Variants in RNF44 observed in about 807,000 individuals in gnomAD.
RNF44 encodes ring finger protein 44.
A neutral mutation model predicts 53.6 loss-of-function variants in RNF44; 25 were observed. The ratio of observed to expected loss-of-function variants is 0.47; its 90% CI spans 0.34 to 0.65. The LOEUF (loss-of-function observed/expected upper bound fraction) is 0.65, where lower values mean the gene tolerates loss of function less well. RNF44 is among the 30% of genes least tolerant of loss of function. The probability of loss-of-function intolerance (pLI) is 0.01; values close to 1 mark genes in which losing one functional copy is unlikely to be tolerated. For synonymous variants in RNF44, 282 were observed against 252.2 expected (o/e 1.12, Z -1.12); for missense variants, 581 against 595.5 (o/e 0.98, Z 0.25).
In RNF44 at chr5:176,530,742, G is replaced by A. The variant is rs1304953568; in HGVS notation, c.641C>T (p.Pro214Leu). 2.6e-6 allele frequency: 4 copies of A among 1,534,508 alleles called. No homozygotes were observed. The highest frequency in any genetic ancestry group is 3.5e-6 in the Non-Finnish European group (4 of 1,143,874). ...VSLQTQHPRMPLQRLDNDVDL... is the reference protein window; with the variant it reads ...VSLQTQHPRMLLQRLDNDVDL... Reference sequence around the variant, plus strand: ...CACGTCGTTGTCGAGCCGCTGGAGGGGCTGGAAGAACCAGCGCCGGGTCAG... The same window carrying A: ...CACGTCGTTGTCGAGCCGCTGGAGGAGCTGGAAGAACCAGCGCCGGGTCAG... The change falls in exon 6 of 11, where the codon CCC (proline) becomes CTC (leucine). Residue 214 changes from proline (P) to leucine (L), a missense_variant and splice_region_variant. Physicochemically the swap from Pro to Leu is moderately conservative, Grantham distance 98. Transcript: ENST00000274811.
In RNF44 at chr5:176,529,507, G is replaced by A. The variant is rs759117210; in HGVS notation, c.1136+16C>T. ...AGCTGTGTTCAGAGGGGTGGGAGGTGGGGCAGGGTACTCACAGCGTCTGCT... is the reference window on the plus strand; with the variant it reads ...AGCTGTGTTCAGAGGGGTGGGAGGTAGGGCAGGGTACTCACAGCGTCTGCT... On this transcript the variant is annotated intron_variant, in intron 9 of 10. Coordinates refer to ENST00000274811, the MANE Select transcript of RNF44 (RefSeq NM_014901.5). 5.6e-6 allele frequency: 9 copies of A among 1,613,724 alleles called. No individual in the cohort carries two copies. The highest frequency in any genetic ancestry group is 2.2e-5 in the East Asian group (1 of 44,866).
At chr5:176,538,404 G>A (rs906348443), upstream of RNF44, among the ~76,000 whole-genome samples, 1 of 152,148 alleles carries the variant, frequency 6.6e-6, no homozygotes, top group African/African-American at 2.4e-5. Flanking sequence ...ATCCAAAGCC[G>A]AGCCTCGTTC....
upstream of RNF44, among the ~76,000 whole-genome samples, chr5:176,542,963 G>A (rs1006188074): frequency 6.6e-5 from 10 of 151,916 alleles, no homozygotes; most frequent in East Asian, 1.9e-3. Flanking sequence ...CCCAGCCGCA[G>A]CTGGGACTCG....
At position 176,526,882 on chromosome 5, in the gene RNF44, A is replaced by G. The variant is rs1338976645; in HGVS notation, c.*2146T>C. On this transcript the variant is annotated 3_prime_UTR_variant, in exon 11 of 11. Coordinates refer to ENST00000274811, the MANE Select transcript of RNF44 (RefSeq NM_014901.5). Reference sequence around the variant, plus strand: ...TATACACATATATATAATACAACATACTAGTTATGTTAAATGCTACAAACC... The same window carrying G: ...TATACACATATATATAATACAACATGCTAGTTATGTTAAATGCTACAAACC... The G allele has an allele frequency of 6.6e-6, 1 of 152,472 alleles. No homozygotes were observed. Among genetic ancestry groups the G allele is most frequent in the Non-Finnish European group, 1.5e-5 (1 of 68,026 alleles). The allele number at this position is 152,472 out of a possible 1,614,324, so 9.4% of individuals were successfully genotyped here.
rs747553222 is a variant in RNF44 at position 176,529,820 on chromosome 5, TAG to T, written c.927-4_927-3del. The T allele has an allele frequency of 6.3e-6, 10 of 1,595,710 alleles. No homozygotes were observed. Among genetic ancestry groups the T allele is most frequent in the Admixed American group, 5.2e-5 (3 of 58,182 alleles). On this transcript the variant is annotated splice_polypyrimidine_tract_variant and splice_region_variant and intron_variant, in intron 7 of 10. Transcript: ENST00000274811. Reference sequence around the variant, plus strand: ...GTTGGTGACATTGGCAGCATCGAGCTAGAGAGAGACAAGTGTGGGGGCCCAGG... The same window carrying T: ...GTTGGTGACATTGGCAGCATCGAGCTAGAGAGACAAGTGTGGGGGCCCAGG...
chr5:176,529,683 G>A, intron 8 of RNF44, 39 bp from the exon 9 acceptor site: 2 of 1,611,702 alleles, frequency 1.2e-6, no homozygotes, highest in South Asian at 1.1e-5. Flanking sequence ...GGCGCCCAGG[G>A]CTGCAGGTCT....
chr5:176,532,332 G>A lies in RNF44; in HGVS notation c.107+34C>T, dbSNP rs536849706. ...GCGCCCCACCCCTGCTGGCCCCCAT[G>A]CCCCAGCACCAGGACTGGGAGGCTC... On this transcript the variant is annotated intron_variant, in intron 2 of 10. Coordinates refer to ENST00000274811, the MANE Select transcript of RNF44 (RefSeq NM_014901.5). 35 of 1,578,000 alleles carry A rather than the reference G, an allele frequency of 2.2e-5. No individual in the cohort carries two copies. In the East Asian group the frequency reaches 7.0e-4, roughly 32 times the overall value.
rs559682354 is a variant in RNF44 at position 176,527,191 on chromosome 5, A to C, written c.*1837T>G. 1 of 152,464 alleles carries C rather than the reference A, an allele frequency of 6.6e-6. No individual in the cohort carries two copies. The highest frequency in any genetic ancestry group is 1.9e-4 in the East Asian group (1 of 5,202). The allele number at this position is 152,464 out of a possible 1,614,324, so 9.4% of individuals were successfully genotyped here. Reference sequence around the variant, plus strand: ...GCCAGAAGTTGGTAAATAAGAGAGTAAACAATGGCAAGCCCCCACCACAGG... The same window carrying C: ...GCCAGAAGTTGGTAAATAAGAGAGTCAACAATGGCAAGCCCCCACCACAGG... On this transcript the variant is annotated 3_prime_UTR_variant, in exon 11 of 11. Transcript: ENST00000274811.
At position 176,531,515 on chromosome 5, in the gene RNF44, C is replaced by A. The variant is rs759598913; in HGVS notation, c.413G>T (p.Cys138Phe). 1.7e-5 allele frequency: 27 copies of A among 1,603,702 alleles called. No individual in the cohort carries two copies. Among genetic ancestry groups the A allele is most frequent in the Admixed American group, 1.7e-5 (1 of 58,336 alleles). The change falls in exon 4 of 11, where the codon TGC becomes TTC. Residue 138 changes from cysteine to phenylalanine, a missense_variant. Around this residue, in one of 3 missense-constraint regions of RNF44, gnomAD observed 387 missense variants for 366.0 expected, o/e 1.06. Transcript: ENST00000274811. The surrounding 1 kb of genome is among the most constrained non-coding windows in gnomAD (Gnocchi z 4.2). ...PGCSAQQLPA[C>F]SVMFSGQHYP... ...ATGCTGCCCACTGAACATCACGGAGCATGCTGGGAGCTGCTGGGCACTGCA... is the reference window on the plus strand; with the variant it reads ...ATGCTGCCCACTGAACATCACGGAGAATGCTGGGAGCTGCTGGGCACTGCA...
At chr5:176,539,019 C>T (rs1757382074), upstream of RNF44, among the ~76,000 whole-genome samples, 1 of 152,198 alleles carries the variant, frequency 6.6e-6, no homozygotes, top group Non-Finnish European at 1.5e-5. Flanking sequence ...AAGACTATGT[C>T]TTAAGTCTTT....
At chr5:176,534,977 C>A (rs1396374003) in intron 1 of RNF44, among the ~76,000 whole-genome samples, 1 of 152,240 alleles carries the variant, frequency 6.6e-6, no homozygotes, top group Non-Finnish European at 1.5e-5. Context: ...TGCAGAGGCC[C>A]AGGCCTGTGG....
upstream of RNF44, among the ~76,000 whole-genome samples, chr5:176,538,949 C>T (rs565426417): frequency 6.6e-6 from 1 of 152,300 alleles, no homozygotes; most frequent in African/African-American, 2.4e-5. Flanking sequence ...TGCACATTAG[C>T]TCTTTTTTAA....
In RNF44 at chr5:176,530,700, T is replaced by TG; in HGVS notation, c.682dup (p.Gln228ProfsTer104). 6.4e-7 allele frequency: 1 copy of TG among 1,550,606 alleles called. No homozygotes were observed. The highest frequency in any genetic ancestry group is 8.7e-7 in the Non-Finnish European group (1 of 1,151,176). On this transcript the variant is annotated frameshift_variant, in exon 6 of 11. Coordinates refer to ENST00000274811, the MANE Select transcript of RNF44 (RefSeq NM_014901.5). LOFTEE classifies it high-confidence loss of function. Reference sequence around the variant, plus strand: ...GTAGGTGAAGCTGCCCAGGGAGGGCTGGTCCCCACGCAGGTCCACGTCGTT... The same window carrying TG: ...GTAGGTGAAGCTGCCCAGGGAGGGCTGGGTCCCCACGCAGGTCCACGTCGTT...
In RNF44 at chr5:176,529,833, G is replaced by A. The variant is rs1240019806; in HGVS notation, c.927-15C>T. On this transcript the variant is annotated splice_polypyrimidine_tract_variant and intron_variant, in intron 7 of 10. Transcript: ENST00000274811. ...GCAGCATCGAGCTAGAGAGAGACAA[G>A]TGTGGGGGCCCAGGGTCAAGGTCAG... 5 of 1,580,758 alleles carry A rather than the reference G, an allele frequency of 3.2e-6. No individual in the cohort carries two copies. In the South Asian group the frequency reaches 4.7e-5, roughly 15 times the overall value.
In RNF44 at chr5:176,529,797, T is replaced by C; in HGVS notation, c.948A>G (p.Pro316=). ...PYFLSMLPMS[P]TAMGPTISLD... ...GGCTGATGGTGGGCCCCATTGCTGT[T>C]GGTGACATTGGCAGCATCGAGCTAG... The change falls in exon 8 of 11, where the codon CCA becomes CCG. Residue 316 remains proline (P), a synonymous_variant. Coordinates refer to ENST00000274811, the MANE Select transcript of RNF44 (RefSeq NM_014901.5). 6.2e-7 allele frequency: 1 copy of C among 1,608,018 alleles called. No homozygotes were observed. The highest frequency in any genetic ancestry group is 1.7e-4 in the Middle Eastern group (1 of 6,028).
At chr5:176,532,228 G>A (rs751413896) in intron 2 of RNF44, 35 bp from the exon 3 acceptor site, 51 of 1,491,646 alleles carry the variant, frequency 3.4e-5, no homozygotes, top group Non-Finnish European at 4.2e-5. Context: ...ATAGGACTGA[G>A]GGGGGCCACT....
chr5:176,529,105 AC>A lies in RNF44; in HGVS notation c.1237-16del, dbSNP rs1296507145. 1 of 1,612,844 alleles carries A rather than the reference AC, an allele frequency of 6.2e-7. No individual in the cohort carries two copies. Among genetic ancestry groups the A allele is most frequent in the African/African-American group, 1.3e-5 (1 of 74,912 alleles). On this transcript the variant is annotated splice_polypyrimidine_tract_variant and intron_variant, in intron 10 of 10. Coordinates refer to ENST00000274811, the MANE Select transcript of RNF44 (RefSeq NM_014901.5). ...GTCCGGTTGGCCTGTGGGAACATGC[AC>A]GTCAGGCGTTGCTCTCACCAGCCCC...
At position 176,531,860 on chromosome 5, in the gene RNF44, C is replaced by T; in HGVS notation, c.297+144G>A. On this transcript the variant is annotated intron_variant, in intron 3 of 10. Transcript: ENST00000274811. The surrounding 1 kb of genome is among the most constrained non-coding windows in gnomAD (Gnocchi z 4.2). ...CCAGTGTGGCCCTTTCCCCGGGCCT[C>T]AGTTTACCTACCTGTAAAGCAGGGC... 1 of 991,930 alleles carries T rather than the reference C, an allele frequency of 1.0e-6. No homozygotes were observed. The highest frequency in any genetic ancestry group is 1.5e-6 in the Non-Finnish European group (1 of 682,140). 61.4% of individuals were successfully genotyped at this position (991,930 alleles called of 1,614,324 possible). A position where few individuals can be genotyped will look rare whatever the true frequency, so the allele number is the denominator to read the frequency against.
At chr5:176,536,779 G>A (rs559385426) in intron 1 of RNF44, among the ~76,000 whole-genome samples, 161 bp downstream of exon 1, 1 of 151,904 alleles carries the variant, frequency 6.6e-6, no homozygotes, top group Non-Finnish European at 1.5e-5. Context: ...GGGGGCCTTG[G>A]GGGGGGTTCC....
Sources: gnomAD v4.1 joint callset for allele counts (sites outside exome capture counted in the v4.1 genomes callset) on GRCh38, gnomAD v4.1.1 for gene constraint, gnomAD v4.1.1 regional missense constraint, Gnocchi (gnomAD v3.1) non-coding constraint, MANE v1.5 for transcripts, NCBI Gene and HGNC (gene_info 2026-07-23, HGNC 2026-07-21) for gene names.